CDH13: variants seen among roughly 807,000 people sequenced by gnomAD.
CDH13 encodes cadherin-13.
In CDH13, 24 loss-of-function variants were observed where a neutral mutation model predicts 63.8. The observed-to-expected ratio is 0.38, with a 90% confidence interval of 0.27 to 0.53. CDH13 has a LOEUF of 0.53. CDH13 is among the 20% of genes least tolerant of loss of function. CDH13 has a pLI of 0.85. For synonymous variants in CDH13, 503 were observed against 355.3 expected (o/e 1.42, Z -4.67); for missense variants, 1,049 against 903.1 (o/e 1.16, Z -2.07).
chr16:83,550,365 G>A (rs977806851), intron 7 of CDH13, among the ~76,000 whole-genome samples: 1 of 152,238 alleles, frequency 6.6e-6, no homozygotes, highest in Non-Finnish European at 1.5e-5. Flanking sequence ...TCCAGCATCT[G>A]CTATGATGTC....
At chr16:83,326,210 G>A (rs1168783417) in intron 5 of CDH13, among the ~76,000 whole-genome samples, 2 of 151,954 alleles carry the variant, frequency 1.3e-5, no homozygotes, top group Non-Finnish European at 2.9e-5. Context: ...TTTTTCGCCG[G>A]ACAACAACAA....
At chr16:83,355,462 C>T (rs563850863) in intron 6 of CDH13, among the ~76,000 whole-genome samples, 2 of 152,224 alleles carry the variant, frequency 1.3e-5, no homozygotes, top group Non-Finnish European at 2.9e-5. Flanking sequence ...CAACTTCCAA[C>T]ATTTAGCAGA....
At chr16:83,584,090 G>A (rs1439203178) in intron 7 of CDH13, among the ~76,000 whole-genome samples, 1 of 152,166 alleles carries the variant, frequency 6.6e-6, no homozygotes, top group Admixed American at 6.5e-5. Flanking sequence ...AGCACTTTGG[G>A]AGGCCAAGAT....
intron 6 of CDH13, 39 bp from the exon 7 acceptor site, chr16:83,486,438 T>C (rs767308260): frequency 5.7e-6 from 9 of 1,586,018 alleles, no homozygotes; most frequent in African/African-American, 1.3e-5. Context: ...TGTTGACCCA[T>C]TGATAACCAT....
intron 2 of CDH13, among the ~76,000 whole-genome samples, chr16:82,941,905 C>T (rs1283321196): frequency 6.6e-6 from 1 of 152,156 alleles, no homozygotes; most frequent in Non-Finnish European, 1.5e-5. Context: ...AAAGAAACTT[C>T]CCTCAGTGGT....
intron 10 of CDH13, among the ~76,000 whole-genome samples, chr16:83,687,799 G>A (rs898069231): frequency 6.6e-6 from 1 of 152,226 alleles, no homozygotes; most frequent in Non-Finnish European, 1.5e-5. Flanking sequence ...TTACATTGAA[G>A]AGCCATTGCC....
chr16:83,520,401 G>A (rs1244235566), intron 7 of CDH13, among the ~76,000 whole-genome samples: 4 of 152,204 alleles, frequency 2.6e-5, no homozygotes, highest in African/African-American at 9.6e-5. Flanking sequence ...AAAGCCTGCT[G>A]GAGACTGGGA....
intron 2 of CDH13, among the ~76,000 whole-genome samples, chr16:82,914,001 G>C (rs986073294): frequency 3.3e-5 from 5 of 152,148 alleles, no homozygotes; most frequent in African/African-American, 9.7e-5. Flanking sequence ...TGGCAGAAGA[G>C]AATTTAGAGA....
At chr16:83,000,460 G>T (rs193151745) in intron 2 of CDH13, among the ~76,000 whole-genome samples, 1 of 150,066 alleles carries the variant, frequency 6.7e-6, no homozygotes, top group Non-Finnish European at 1.5e-5. Context: ...ATGTTGGCCA[G>T]GTTGGTCTCA....
intron 8 of CDH13, among the ~76,000 whole-genome samples, chr16:83,662,288 T>C (rs1317184768): frequency 6.6e-6 from 1 of 152,238 alleles, no homozygotes; most frequent in Non-Finnish European, 1.5e-5. Context: ...AGTAGACCTT[T>C]CTGTCACTGT....
intron 1 of CDH13, among the ~76,000 whole-genome samples, chr16:82,727,940 G>A (rs2033190247): frequency 6.6e-6 from 1 of 152,112 alleles, no homozygotes; most frequent in Non-Finnish European, 1.5e-5. Flanking sequence ...CTGTGTCTCT[G>A]CAGGTTCAAA....
chr16:83,431,888 A>T (rs1021510977), intron 6 of CDH13, among the ~76,000 whole-genome samples: 2 of 152,156 alleles, frequency 1.3e-5, no homozygotes, highest in African/African-American at 4.8e-5. Flanking sequence ...GATCCAAACC[A>T]TATCCATCAT....
At chr16:82,963,341 T>C (rs549082415) in intron 2 of CDH13, among the ~76,000 whole-genome samples, 1 of 152,220 alleles carries the variant, frequency 6.6e-6, no homozygotes, top group Non-Finnish European at 1.5e-5. Context: ...AATGCACCAT[T>C]GCACTCCAGC....
chr16:83,626,338 C>A (rs1270785335), intron 8 of CDH13, among the ~76,000 whole-genome samples: 1 of 152,122 alleles, frequency 6.6e-6, no homozygotes, highest in Non-Finnish European at 1.5e-5. Flanking sequence ...CTGTCTGGGA[C>A]CTTCTGTGAA....
intron 1 of CDH13, among the ~76,000 whole-genome samples, chr16:82,808,900 G>A (rs990885679): frequency 2.0e-5 from 3 of 152,064 alleles, no homozygotes; most frequent in Non-Finnish European, 4.4e-5. Context: ...TTTCTGTAGT[G>A]AGCATCCTTA....
chr16:83,482,705 G>A (rs17758787), intron 6 of CDH13, among the ~76,000 whole-genome samples: 44,092 of 152,098 alleles, frequency 0.29, 6,562 homozygotes, highest in Admixed American at 0.35. Flanking sequence ...CTTAGAGGCC[G>A]ACTAGAGGAC....
intron 7 of CDH13, among the ~76,000 whole-genome samples, chr16:83,574,389 C>T (rs1904917755): frequency 6.6e-6 from 1 of 152,180 alleles, no homozygotes. Flanking sequence ...GGAGAGCCCT[C>T]CAGGCCCTCA....
chr16:83,202,801 T>C (rs9928871), intron 4 of CDH13, among the ~76,000 whole-genome samples: 124,786 of 152,148 alleles, frequency 0.82, 55,098 homozygotes, highest in East Asian at 0.97. Context: ...CTCTGAACTC[T>C]GGTTTAAATA....
At chr16:83,197,785 C>T (rs1392428216) in intron 4 of CDH13, among the ~76,000 whole-genome samples, 1 of 147,566 alleles carries the variant, frequency 6.8e-6, no homozygotes. Flanking sequence ...CTCACACACT[C>T]ACACACTCAT....
Sources: allele counts gnomAD v4.1 joint callset (sites outside exome capture counted in the v4.1 genomes callset), GRCh38; gene constraint gnomAD v4.1.1; transcripts MANE v1.5; gene names NCBI Gene and HGNC (gene_info 2026-07-23, HGNC 2026-07-21).